Variants in ABCA9 observed in about 807,000 individuals in gnomAD.
The protein encoded by ABCA9 is ATP-binding cassette sub-family A member 9.
ABCA9 carries 183 observed loss-of-function variants against 205.3 expected under a neutral mutation model. That is an observed-to-expected ratio of 0.89 (90% CI 0.79 to 1.01). The LOEUF (loss-of-function observed/expected upper bound fraction) is 1.01. ABCA9 is among the 50% of genes least tolerant of loss of function. The probability of loss-of-function intolerance (pLI) is 0.00; values close to 1 mark genes in which losing one functional copy is unlikely to be tolerated. For synonymous variants in ABCA9, 651 were observed against 683.3 expected (o/e 0.95, Z 0.74); for missense variants, 1,805 against 1,912.4 (o/e 0.94, Z 1.05).
intron 8 of ABCA9, 123 bp downstream of exon 8, chr17:69,035,123 T>C: frequency 1.2e-6 from 1 of 842,610 alleles, no homozygotes; most frequent in Non-Finnish European, 1.6e-6. Flanking sequence ...CACTCCTGTC[T>C]CATACATGTT....
At chr17:69,012,171 A>T in intron 22 of ABCA9, 88 bp from the exon 23 acceptor site, 2 of 878,332 alleles carry the variant, frequency 2.3e-6, no homozygotes, top group Non-Finnish European at 3.5e-6. Context: ...AAATAAATGA[A>T]TTGAGCTGAT....
chr17:69,042,712 CTT>C (rs2071583508), intron 6 of ABCA9: 1 of 152,264 alleles, frequency 6.6e-6, no homozygotes. Flanking sequence ...ATAAGGCTGT[CTT>C]TAAGTCAAAT....
rs116138158 is a variant in ABCA9 at position 68,991,088 on chromosome 17, A to G, written c.3717-131T>C. ...AGCACAACATCCTCTCTATTCTTCT[A>G]CTTGCACCATCCGCCTTTCAAACAC... On this transcript the variant is annotated intron_variant, in intron 28 of 38. Coordinates refer to ENST00000340001, the MANE Select transcript of ABCA9 (RefSeq NM_080283.4). 1.6e-3 allele frequency: 1,613 copies of G among 985,632 alleles called. 22 individuals carry two copies. In the African/African-American group the frequency reaches 0.023, roughly 14 times the overall value. The allele number at this position is 985,632 out of a possible 1,614,324, so 61.1% of individuals were successfully genotyped here. A position where few individuals can be genotyped will look rare whatever the true frequency, so the allele number is the denominator to read the frequency against.
intron 37 of ABCA9, among the ~76,000 whole-genome samples, chr17:68,981,960 T>C (rs888650252): frequency 3.4e-5 from 5 of 148,062 alleles, no homozygotes; most frequent in Non-Finnish European, 7.4e-5. Context: ...TCAGATTTCA[T>C]ACACTAACAT....
chr17:69,043,308 T>A, intron 6 of ABCA9, 181 bp downstream of exon 6: 1 of 540,458 alleles, frequency 1.9e-6, no homozygotes, highest in Non-Finnish European at 3.2e-6. Flanking sequence ...GCTGTAAATA[T>A]ACATGAAGCT....
intron 22 of ABCA9, among the ~76,000 whole-genome samples, chr17:69,016,003 G>A (rs935682540): frequency 6.7e-6 from 1 of 149,344 alleles, no homozygotes; most frequent in South Asian, 2.1e-4. Flanking sequence ...GTGTTATAAT[G>A]TTGCGTGGTC....
At chr17:68,983,084 TAGAG>T (rs2069115414) in intron 36 of ABCA9, among the ~76,000 whole-genome samples, 2 of 152,160 alleles carry the variant, frequency 1.3e-5, no homozygotes, top group South Asian at 4.1e-4. Flanking sequence ...TGTGCGGTGT[TAGAG>T]AGACACTCAT....
chr17:69,016,523 T>C, intron 21 of ABCA9, 133 bp from the exon 22 acceptor site: 2 of 746,150 alleles, frequency 2.7e-6, no homozygotes, highest in Non-Finnish European at 4.0e-6. Context: ...TTAATATCAC[T>C]ATCACTCATA....
intron 16 of ABCA9, among the ~76,000 whole-genome samples, chr17:69,026,042 T>C (rs773246266): frequency 2.1e-4 from 32 of 152,088 alleles, no homozygotes; most frequent in Non-Finnish European, 4.6e-4. Context: ...ATACAGGGTA[T>C]TGAAATTGTC....
chr17:69,074,824 A>G, the ABCA9 span, among the ~76,000 whole-genome samples: 1 of 152,140 alleles, frequency 6.6e-6, no homozygotes, highest in Non-Finnish European at 1.5e-5. Context: ...GTCAAATGGT[A>G]GTTCTATTTT....
chr17:69,071,733 T>C, the ABCA9 span, among the ~76,000 whole-genome samples: 1 of 152,006 alleles, frequency 6.6e-6, no homozygotes, highest in African/African-American at 2.4e-5. Flanking sequence ...CAAAACTGGA[T>C]AGATAATGAG....
Position 69,027,706 on chromosome 17 carries a change from A to C in ABCA9, c.1725T>G (p.Thr575=). The C allele has an allele frequency of 6.2e-7, 1 of 1,613,482 alleles. No homozygotes were observed. The highest frequency in any genetic ancestry group is 2.2e-5 in the East Asian group (1 of 44,806). Residue 575 remains threonine, a synonymous_variant, in exon 13 of 39, where the codon ACT becomes ACG. Coordinates refer to ENST00000340001, the MANE Select transcript of ABCA9 (RefSeq NM_080283.4). The part of the protein sequence containing the change: ...PQSNVQFGFL[T]VKENLRLFAK... ...CAAACAGCCTGAGGTTTTCTTTCAC[A>C]GTGAGAAATCCAAATTGCACATTGG...
the ABCA9 span, among the ~76,000 whole-genome samples, chr17:69,073,885 AGTGATAGG>A: frequency 6.6e-6 from 1 of 151,914 alleles, no homozygotes; most frequent in African/African-American, 2.4e-5. Context: ...TGTAGTTTGT[AGTGATAGG>A]GTCTTGCTAT....
chr17:68,977,005 G>A lies in ABCA9; in HGVS notation c.4721-815C>T, dbSNP rs146281358. Among the ~76,000 whole-genome samples, 105 of 151,428 alleles carry A rather than the reference G, an allele frequency of 6.9e-4. 1 individual carries two copies. The East Asian group carries it at 0.014, about 20-fold the overall frequency. The stretch of plus-strand genomic sequence containing the variant: ...TTTCTTTCTTCTTTCCTTGGACATA[G>A]GACTAGTCCCTATCTTATATCTGGA... On this transcript the variant is annotated intron_variant, in intron 37 of 38. Transcript: ENST00000340001.
At chr17:69,025,389 C>T (rs1352078532) in intron 16 of ABCA9, among the ~76,000 whole-genome samples, 1 of 152,160 alleles carries the variant, frequency 6.6e-6, no homozygotes, top group Non-Finnish European at 1.5e-5. Context: ...GGAGAAAATA[C>T]TTTCAGAAAT....
chr17:68,978,662 G>A (rs907606567), intron 37 of ABCA9, among the ~76,000 whole-genome samples: 2 of 152,144 alleles, frequency 1.3e-5, no homozygotes, highest in African/African-American at 4.8e-5. Context: ...GGGCAGGCCT[G>A]ATGGTGACAA....
chr17:69,075,226 G>A, the ABCA9 span, among the ~76,000 whole-genome samples: 16 of 152,106 alleles, frequency 1.1e-4, no homozygotes, highest in South Asian at 2.1e-3. Flanking sequence ...TTCTTTTGCC[G>A]TGCAGAAGTT....
chr17:69,018,513 C>T lies in ABCA9; in HGVS notation c.2667G>A (p.Gln889=). ...GAGACAGTTCCCACGGGTAACTTTT[C>T]TGATATGACTCGTAGAATAGATGTT... The part of the protein sequence containing the change: ...LLEHLFYESY[Q]KSYPWELSPN... The change falls in exon 20 of 39, where the codon CAG becomes CAA. Residue 889 remains glutamine, a synonymous_variant. Coordinates refer to ENST00000340001, the MANE Select transcript of ABCA9 (RefSeq NM_080283.4). The T allele has an allele frequency of 6.2e-7, 1 of 1,608,528 alleles. No homozygotes were observed. Among genetic ancestry groups the T allele is most frequent in the Non-Finnish European group, 8.5e-7 (1 of 1,177,546 alleles).
At chr17:68,980,531 A>C (rs938260480) in intron 37 of ABCA9, among the ~76,000 whole-genome samples, 1 of 152,096 alleles carries the variant, frequency 6.6e-6, no homozygotes, top group African/African-American at 2.4e-5. Flanking sequence ...ACTTGGAACC[A>C]ACCCACATGT....
Sources: gnomAD v4.1 joint callset for allele counts (sites outside exome capture counted in the v4.1 genomes callset) on GRCh38, gnomAD v4.1.1 for gene constraint, MANE v1.5 for transcripts, NCBI Gene and HGNC (gene_info 2026-07-23, HGNC 2026-07-21) for gene names.